The following LOC128462377 variants were observed in gnomAD, a reference collection of about 807,000 sequenced individuals.
the LOC128462377 span, among the ~76,000 whole-genome samples, chr16:89,413,564 G>A: frequency 6.6e-6 from 1 of 152,184 alleles, no homozygotes; most frequent in South Asian, 2.1e-4. Context: ...GGCGGAGCTT[G>A]CAGTGAGCCG....
chr16:89,362,649 C>T, the LOC128462377 span, among the ~76,000 whole-genome samples: 1 of 152,232 alleles, frequency 6.6e-6, no homozygotes, highest in Non-Finnish European at 1.5e-5. Context: ...CCTGTGCTGA[C>T]ATTCCTAAAT....
At chr16:89,363,789 C>T in the LOC128462377 span, among the ~76,000 whole-genome samples, 3,195 of 152,264 alleles carry the variant, frequency 0.021, 125 homozygotes, top group African/African-American at 0.073. Context: ...TATGCGGTGA[C>T]TCATGCCTGG....
At chr16:89,332,898 G>A in the LOC128462377 span, among the ~76,000 whole-genome samples, 1 of 152,262 alleles carries the variant, frequency 6.6e-6, no homozygotes, top group East Asian at 1.9e-4. Flanking sequence ...GTTTTTTAAC[G>A]CAAGGGTCCA....
chr16:89,402,525 T>A, the LOC128462377 span, among the ~76,000 whole-genome samples: 1 of 151,052 alleles, frequency 6.6e-6, no homozygotes, highest in African/African-American at 2.4e-5. Context: ...AGAAAAACAT[T>A]TAAAAATTGC....
the LOC128462377 span, among the ~76,000 whole-genome samples, chr16:89,383,098 T>G: frequency 6.6e-6 from 1 of 152,180 alleles, no homozygotes; most frequent in Non-Finnish European, 1.5e-5. Flanking sequence ...CACTGTAATA[T>G]AGGTTTTAAA....
the LOC128462377 span, among the ~76,000 whole-genome samples, chr16:89,356,793 AAAG>A: frequency 4.6e-5 from 7 of 151,202 alleles, no homozygotes; most frequent in Non-Finnish European, 8.8e-5. Flanking sequence ...AAAAAAAAAA[AAAG>A]AAAAAAGAAA....
chr16:89,354,738 C>T, the LOC128462377 span, among the ~76,000 whole-genome samples: 1 of 152,080 alleles, frequency 6.6e-6, no homozygotes, highest in African/African-American at 2.4e-5. Context: ...AGAAATTAGC[C>T]GGGCATGGTG....
chr16:89,366,301 T>G, the LOC128462377 span, among the ~76,000 whole-genome samples: 1 of 152,184 alleles, frequency 6.6e-6, no homozygotes, highest in Non-Finnish European at 1.5e-5. Flanking sequence ...CGCCCGCATG[T>G]GTCTTTATGG....
chr16:89,318,127 G>T, the LOC128462377 span, among the ~76,000 whole-genome samples: 1 of 152,222 alleles, frequency 6.6e-6, no homozygotes, highest in Admixed American at 6.5e-5. Flanking sequence ...GTGTGAGGCT[G>T]CCCCTCTGCG....
the LOC128462377 span, among the ~76,000 whole-genome samples, chr16:89,356,780 CAAAAAAA>C: frequency 1.9e-5 from 2 of 103,988 alleles, no homozygotes; most frequent in African/African-American, 3.8e-5. Context: ...GACTCCGTCT[CAAAAAAA>C]AAAAAAAAGA....
the LOC128462377 span, among the ~76,000 whole-genome samples, chr16:89,348,515 A>G: frequency 7.2e-5 from 11 of 152,198 alleles, no homozygotes; most frequent in African/African-American, 2.2e-4. Flanking sequence ...GCTTCTATAT[A>G]ACTGACTTTC....
chr16:89,331,231 G>C, the LOC128462377 span, among the ~76,000 whole-genome samples: 2 of 152,234 alleles, frequency 1.3e-5, no homozygotes, highest in African/African-American at 2.4e-5. Context: ...TAGGATTACA[G>C]GCATGAGCCA....
At chr16:89,411,154 C>T in the LOC128462377 span, among the ~76,000 whole-genome samples, 1 of 152,268 alleles carries the variant, frequency 6.6e-6, no homozygotes, top group African/African-American at 2.4e-5. Flanking sequence ...CTCGGGCCCA[C>T]GCTGGCTGTC....
the LOC128462377 span, among the ~76,000 whole-genome samples, chr16:89,387,037 G>C: frequency 6.6e-6 from 1 of 152,064 alleles, no homozygotes; most frequent in African/African-American, 2.4e-5. Context: ...ACAGGCCAGG[G>C]CTGCTTTCAG....
chr16:89,334,144 T>TAAAA, the LOC128462377 span, among the ~76,000 whole-genome samples: 54 of 41,408 alleles, frequency 1.3e-3, 4 homozygotes, highest in African/African-American at 4.2e-3. Context: ...CCCTGTGTTT[T>TAAAA]AAAAAAAAAA....
At chr16:89,406,841 T>C in the LOC128462377 span, among the ~76,000 whole-genome samples, 4 of 151,930 alleles carry the variant, frequency 2.6e-5, no homozygotes, top group African/African-American at 4.8e-5. Flanking sequence ...CTGTGGAATA[T>C]GGAAGGGGAA....
chr16:89,368,163 A>T, the LOC128462377 span, among the ~76,000 whole-genome samples: 2 of 151,714 alleles, frequency 1.3e-5, no homozygotes, highest in Middle Eastern at 3.4e-3. Flanking sequence ...GATTCCAACA[A>T]TTCCAACATA....
At chr16:89,320,851 C>T in the LOC128462377 span, among the ~76,000 whole-genome samples, 1 of 152,268 alleles carries the variant, frequency 6.6e-6, no homozygotes, top group Non-Finnish European at 1.5e-5. Context: ...ACTGCGAGAG[C>T]CCCTGCAGCC....
At chr16:89,327,723 T>C in the LOC128462377 span, among the ~76,000 whole-genome samples, 6 of 152,200 alleles carry the variant, frequency 3.9e-5, no homozygotes, top group Admixed American at 1.3e-4. Context: ...GTACCATTTA[T>C]AGGTGCTCCA....
Sources: allele counts gnomAD v4.1 joint callset (sites outside exome capture counted in the v4.1 genomes callset), GRCh38; gene constraint gnomAD v4.1.1; transcripts MANE v1.5.